Variants in CCDC138 observed in about 807,000 individuals in gnomAD.
The protein encoded by CCDC138 is coiled-coil domain containing 138, also known as coiled-coil domain-containing protein 138.
Under a neutral mutation model 82.3 loss-of-function variants are expected in CCDC138, and 66 were observed. That is an observed-to-expected ratio of 0.80 (90% CI 0.66 to 0.98). The LOEUF (loss-of-function observed/expected upper bound fraction) is 0.98. CCDC138 is among the 50% of genes least tolerant of loss of function. CCDC138 has a pLI of 0.00. For missense variants in CCDC138, 816 were observed against 758.9 expected, an observed-to-expected ratio of 1.08 and a Z score of -0.88; for synonymous variants, 297 against 265.4, an observed-to-expected ratio of 1.12 and a Z score of -1.16.
intron 10 of CCDC138, among the ~76,000 whole-genome samples, chr2:108,825,759 A>G (rs1686476634): frequency 6.6e-6 from 1 of 152,144 alleles, no homozygotes; most frequent in Non-Finnish European, 1.5e-5. Context: ...TGCTATGAAC[A>G]TTTATCCACA....
chr2:108,847,923 A>G (rs1225687846), intron 12 of CCDC138, among the ~76,000 whole-genome samples: 1 of 152,182 alleles, frequency 6.6e-6, no homozygotes, highest in Non-Finnish European at 1.5e-5. Context: ...AGTGTGTGAA[A>G]GGTCACTTAC....
chr2:108,867,986 T>C (rs1694685006), intron 13 of CCDC138, among the ~76,000 whole-genome samples: 1 of 152,216 alleles, frequency 6.6e-6, no homozygotes, highest in African/African-American at 2.4e-5. Context: ...ATAGCTCTTA[T>C]CTGAGGAACT....
At chr2:108,885,007 A>G (rs189221087) in intron 2 of CCDC138, 1 of 152,366 alleles carries the variant, frequency 6.6e-6, no homozygotes, top group East Asian at 1.9e-4. Context: ...AGCTAATTGG[A>G]ATATTGTAAT....
Position 108,788,078 on chromosome 2 carries a change from T to C in CCDC138, c.140T>C (p.Leu47Pro). 1 of 1,601,488 alleles carries C rather than the reference T, an allele frequency of 6.2e-7. No individual in the cohort carries two copies. The highest frequency in any genetic ancestry group is 8.5e-7 in the Non-Finnish European group (1 of 1,175,644). ...CAGTCTAAGTATAAGAGAAGAACTC[T>C]AACCTCCCCAGGTAAGCCGGTATTT... is the stretch of plus-strand genomic sequence containing the variant. Reference protein sequence around the residue: ...FYQSKYKRRTLTSPGDLDIYS... With the variant: ...FYQSKYKRRTPTSPGDLDIYS... Residue 47 changes from leucine to proline, a missense_variant, in exon 2 of 15, where the codon CTA becomes CCA. By Grantham distance (98) the Leu-to-Pro change is moderately conservative. Transcript: ENST00000295124.
At chr2:108,794,062 G>A (rs2149472446) in intron 4 of CCDC138, among the ~76,000 whole-genome samples, 1 of 152,258 alleles carries the variant, frequency 6.6e-6, no homozygotes, top group East Asian at 1.9e-4. Flanking sequence ...TTTAAAAGAA[G>A]AGGTTATAGA....
chr2:108,872,574 A>G (rs1458676437), intron 13 of CCDC138, among the ~76,000 whole-genome samples: 3 of 152,172 alleles, frequency 2.0e-5, no homozygotes, highest in Admixed American at 1.3e-4. Context: ...TTAATGGCGT[A>G]TATTCTAGAG....
At position 108,788,956 on chromosome 2, in the gene CCDC138, A is replaced by G. The variant is rs552374313; in HGVS notation, c.256A>G (p.Asn86Asp). ...TPLGSLFKHV[N>D]VNCLDDELDS... ...ATTGGGCAGCTTATTCAAGCACGTAAATGTGAATTGGTAAAGTACCCTGAA... is the reference window on the plus strand; with the variant it reads ...ATTGGGCAGCTTATTCAAGCACGTAGATGTGAATTGGTAAAGTACCCTGAA... The change falls in exon 3 of 15, where the codon AAT becomes GAT. Residue 86 changes from asparagine (N) to aspartate (D), a missense_variant. Transcript: ENST00000295124. 1 of 1,614,022 alleles carries G rather than the reference A, an allele frequency of 6.2e-7. No individual in the cohort carries two copies. The highest frequency in any genetic ancestry group is 1.1e-5 in the South Asian group (1 of 91,068).
At chr2:108,867,875 TGTA>T (rs1323960832) in intron 13 of CCDC138, among the ~76,000 whole-genome samples, 1 of 152,246 alleles carries the variant, frequency 6.6e-6, no homozygotes, top group East Asian at 1.9e-4. Context: ...TTTTGTCCCG[TGTA>T]ATAAATAGCA....
At chr2:108,818,707 T>C (rs905928811) in intron 10 of CCDC138, among the ~76,000 whole-genome samples, 1 of 152,140 alleles carries the variant, frequency 6.6e-6, no homozygotes, top group African/African-American at 2.4e-5. Context: ...TTTTTTGTTA[T>C]CGGACTCTGT....
At chr2:108,872,571 C>T (rs1380853151) in intron 13 of CCDC138, among the ~76,000 whole-genome samples, 1 of 151,986 alleles carries the variant, frequency 6.6e-6, no homozygotes, top group Non-Finnish European at 1.5e-5. Flanking sequence ...ACTTTAATGG[C>T]GTATATTCTA....
intron 13 of CCDC138, among the ~76,000 whole-genome samples, chr2:108,860,243 G>A (rs1293608265): frequency 6.6e-6 from 1 of 151,894 alleles, no homozygotes; most frequent in Non-Finnish European, 1.5e-5. Flanking sequence ...GGAGTCTTTT[G>A]GCAAGATCTT....
chr2:108,842,794 AC>A (rs1352002348), intron 11 of CCDC138, among the ~76,000 whole-genome samples: 3 of 152,254 alleles, frequency 2.0e-5, no homozygotes, highest in Non-Finnish European at 2.9e-5. Context: ...AGTCCAACTT[AC>A]ATTTAAAATG....
intron 9 of CCDC138, among the ~76,000 whole-genome samples, chr2:108,813,794 A>T (rs1440638613): frequency 6.6e-6 from 1 of 152,164 alleles, no homozygotes; most frequent in Non-Finnish European, 1.5e-5. Context: ...TTTCCTGGTC[A>T]TTCTTTTCTG....
At chr2:108,799,990 T>A (rs1179107395) in intron 6 of CCDC138, among the ~76,000 whole-genome samples, 4 of 152,222 alleles carry the variant, frequency 2.6e-5, no homozygotes, top group Non-Finnish European at 4.4e-5. Context: ...TAAGCATTTC[T>A]GTCTTTATAT....
intron 10 of CCDC138, among the ~76,000 whole-genome samples, chr2:108,820,322 G>A (rs1275498565): frequency 6.6e-6 from 1 of 152,128 alleles, no homozygotes; most frequent in Non-Finnish European, 1.5e-5. Context: ...GACAGTCTGA[G>A]GGACTTATGG....
chr2:108,831,152 C>A (rs1256467859), intron 10 of CCDC138, among the ~76,000 whole-genome samples: 1 of 151,928 alleles, frequency 6.6e-6, no homozygotes, highest in Non-Finnish European at 1.5e-5. Context: ...GCACTCCAGC[C>A]TGAGTTATAG....
At chr2:108,860,755 A>G (rs1428140478) in intron 13 of CCDC138, among the ~76,000 whole-genome samples, 1 of 151,716 alleles carries the variant, frequency 6.6e-6, no homozygotes, top group African/African-American at 2.4e-5. Context: ...ATATTGGCCT[A>G]TAGTTTTCTA....
intron 10 of CCDC138, among the ~76,000 whole-genome samples, chr2:108,833,680 T>C (rs1333248853): frequency 2.0e-5 from 3 of 151,690 alleles, no homozygotes; most frequent in African/African-American, 4.8e-5. Context: ...AAACAAATTT[T>C]CACAAATTTT....
chr2:108,845,378 C>G (rs1277419477), intron 11 of CCDC138, among the ~76,000 whole-genome samples: 1 of 152,040 alleles, frequency 6.6e-6, no homozygotes, highest in Non-Finnish European at 1.5e-5. Context: ...TAAAACTTAT[C>G]CACATTGCAG....
Sources: allele counts gnomAD v4.1 joint callset (sites outside exome capture counted in the v4.1 genomes callset), GRCh38; gene constraint gnomAD v4.1.1; transcripts MANE v1.5; gene names NCBI Gene and HGNC (gene_info 2026-07-23, HGNC 2026-07-21).